SCAI: variants seen among roughly 807,000 people sequenced by gnomAD.
SCAI encodes the protein suppressor of cancer cell invasion.
Under a neutral mutation model 92.2 loss-of-function variants are expected in SCAI, and 24 were observed. The ratio of observed to expected loss-of-function variants is 0.26; its 90% confidence interval spans 0.19 to 0.37. The LOEUF is 0.37. Among genes scored for constraint, SCAI ranks in the 10% least tolerant of loss-of-function variants. The probability of loss-of-function intolerance (pLI) is 1.00; values close to 1 mark genes in which losing one functional copy is unlikely to be tolerated. For missense variants in SCAI, 450 were observed against 736.2 expected (o/e 0.61, Z 4.50); for synonymous variants, 261 against 258.6 (o/e 1.01, Z -0.09).
intron 2 of SCAI, among the ~76,000 whole-genome samples, chr9:125,084,416 C>T (rs897401373): frequency 1.1e-4 from 17 of 151,958 alleles, no homozygotes; most frequent in African/African-American, 2.9e-4. Flanking sequence ...ATGATCTGCC[C>T]GCCTGGGCCT....
chr9:125,111,068 C>T (rs79157729), intron 2 of SCAI, among the ~76,000 whole-genome samples: 4,982 of 152,164 alleles, frequency 0.033, 240 homozygotes, highest in African/African-American at 0.11. Flanking sequence ...ATGTCCAAAC[C>T]TGAAGAAGGG....
Position 125,133,717 on chromosome 9 carries a change from G to A in SCAI, c.98+8916C>T, listed in dbSNP as rs1370932375. Among the ~76,000 whole-genome samples, 3 of 151,826 alleles carry A rather than the reference G, an allele frequency of 2.0e-5. No individual in the cohort carries two copies. In the East Asian group the frequency reaches 5.8e-4, roughly 29 times the overall value. On this transcript the variant is annotated intron_variant, in intron 2 of 17. Coordinates refer to ENST00000336505, the MANE Select transcript of SCAI (RefSeq NM_001144877.3). ...ATGTACAGCTCACTGTATGCCAACT[G>A]TACCTCTACAGACCTGTTCAAAAAA... is the stretch of plus-strand genomic sequence containing the variant.
chr9:125,053,596 A>T (rs1227440758), intron 3 of SCAI, among the ~76,000 whole-genome samples: 1 of 152,170 alleles, frequency 6.6e-6, no homozygotes, highest in Admixed American at 6.5e-5. Context: ...TAATATATAA[A>T]ATATCCAAAA....
rs529931907 is a variant in SCAI at position 125,023,409 on chromosome 9, A to G, written c.513-2640T>C. Among the ~76,000 whole-genome samples, 10 of 152,338 alleles carry G rather than the reference A, an allele frequency of 6.6e-5. 1 individual carries two copies. Among genetic ancestry groups the G allele is most frequent in the African/African-American group, 2.4e-4 (10 of 41,586 alleles). On this transcript the variant is annotated intron_variant, in intron 6 of 17. Coordinates refer to ENST00000336505, the MANE Select transcript of SCAI (RefSeq NM_001144877.3). ...AGGTGTTTAGTATTTCAGGTTATCT[A>G]GCCTATCATATTGTCGAAAGTGGAA...
chr9:125,118,987 T>G (rs1229121838), intron 2 of SCAI, among the ~76,000 whole-genome samples: 1 of 152,198 alleles, frequency 6.6e-6, no homozygotes, highest in Non-Finnish European at 1.5e-5. Context: ...TCTTTGCTAT[T>G]GTATCACTGC....
At chr9:125,066,919 C>A (rs1484455815) in intron 2 of SCAI, among the ~76,000 whole-genome samples, 1 of 152,116 alleles carries the variant, frequency 6.6e-6, no homozygotes, top group African/African-American at 2.4e-5. Flanking sequence ...TACAGGATTG[C>A]AGCCCAGGAG....
chr9:124,955,968 A>G (rs1262885492), intron 17 of SCAI, among the ~76,000 whole-genome samples: 1 of 152,224 alleles, frequency 6.6e-6, no homozygotes, highest in Non-Finnish European at 1.5e-5. Flanking sequence ...CAAGGAAGAA[A>G]TAATTCTAAT....
intron 2 of SCAI, chr9:125,065,941 A>T (rs1209518826): frequency 1.4e-6 from 1 of 738,276 alleles, no homozygotes; most frequent in Non-Finnish European, 2.5e-6. Flanking sequence ...AGGGAGCTTC[A>T]TTAATTTTAT....
intron 9 of SCAI, among the ~76,000 whole-genome samples, chr9:125,005,179 T>C (rs1472049137): frequency 1.3e-5 from 2 of 152,156 alleles, no homozygotes; most frequent in Admixed American, 6.5e-5. Context: ...GTAATACTTA[T>C]ATAGAACTTC....
intron 14 of SCAI, among the ~76,000 whole-genome samples, chr9:124,985,120 T>C (rs1267020343): frequency 1.3e-5 from 2 of 152,112 alleles, no homozygotes; most frequent in African/African-American, 2.4e-5. Context: ...AGCCTTTAAA[T>C]TGGAATCCTA....
intron 3 of SCAI, among the ~76,000 whole-genome samples, chr9:125,032,195 A>ATTTTTTTTTTTTTTT (rs71374219): frequency 1.0e-5 from 1 of 99,476 alleles, no homozygotes; most frequent in African/African-American, 4.8e-5. Flanking sequence ...ATATATATAT[A>ATTTTTTTTTTTTTTT]TTTTTTTTTT....
At chr9:125,010,326 C>A (rs1485816281) in intron 9 of SCAI, among the ~76,000 whole-genome samples, 1 of 152,166 alleles carries the variant, frequency 6.6e-6, no homozygotes, top group Non-Finnish European at 1.5e-5. Context: ...TCACTTCCAC[C>A]CCAATACTGC....
At chr9:124,965,406 A>G (rs1401747841) in intron 17 of SCAI, among the ~76,000 whole-genome samples, 1 of 151,860 alleles carries the variant, frequency 6.6e-6, no homozygotes, top group Non-Finnish European at 1.5e-5. Flanking sequence ...GCTAATTTTT[A>G]TATTTTTAGT....
At chr9:125,108,776 T>TG (rs1216816476) in intron 2 of SCAI, among the ~76,000 whole-genome samples, 4 of 149,132 alleles carry the variant, frequency 2.7e-5, no homozygotes, top group East Asian at 2.0e-4. Context: ...GTCCGGGAGG[T>TG]GGGGGGCGCC....
intron 2 of SCAI, among the ~76,000 whole-genome samples, chr9:125,094,115 C>T (rs978867646): frequency 1.3e-5 from 2 of 152,178 alleles, no homozygotes; most frequent in African/African-American, 4.8e-5. Flanking sequence ...ACAAGATGAT[C>T]TTTTAAAATA....
intron 17 of SCAI, among the ~76,000 whole-genome samples, chr9:124,954,151 G>A (rs1008220679): frequency 5.3e-5 from 8 of 152,166 alleles, no homozygotes. Flanking sequence ...CTAATTAGAG[G>A]TTTAAATACT....
At chr9:125,032,195 A>ATATATATTTTTTTTTTT (rs1177865840) in intron 3 of SCAI, among the ~76,000 whole-genome samples, 1 of 99,476 alleles carries the variant, frequency 1.0e-5, no homozygotes, top group African/African-American at 4.8e-5. Flanking sequence ...ATATATATAT[A>ATATATATTTTTTTTTTT]TTTTTTTTTT....
rs375041526 is a variant in SCAI at position 125,003,577 on chromosome 9, GA to G, written c.862-8del. ...TTAGTTCACTGAACTTAACCTGCAAGAAAAAAAAAAACAAACACAACCTAGC... is the reference window on the plus strand; with the variant it reads ...TTAGTTCACTGAACTTAACCTGCAAGAAAAAAAAAACAAACACAACCTAGC... On this transcript the variant is annotated splice_region_variant and splice_polypyrimidine_tract_variant and intron_variant, in intron 9 of 17. Transcript: ENST00000336505. The G allele has an allele frequency of 0.011, 13,021 of 1,193,902 alleles. No individual in the cohort carries two copies. Among genetic ancestry groups the G allele is most frequent in the Non-Finnish European group, 0.012 (10,271 of 884,866 alleles). 74.0% of individuals were successfully genotyped at this position (1,193,902 alleles called of 1,614,324 possible). A position where few individuals can be genotyped will look rare whatever the true frequency, so the allele number is the denominator to read the frequency against.
At chr9:125,068,366 G>A (rs1833912337) in intron 2 of SCAI, among the ~76,000 whole-genome samples, 1 of 152,090 alleles carries the variant, frequency 6.6e-6, no homozygotes, top group South Asian at 2.1e-4. Flanking sequence ...CAGGCATGAT[G>A]GCATGCACCT....
Sources: allele counts gnomAD v4.1 joint callset (sites outside exome capture counted in the v4.1 genomes callset), GRCh38; gene constraint gnomAD v4.1.1; transcripts MANE v1.5; gene names NCBI Gene and HGNC (gene_info 2026-07-23, HGNC 2026-07-21).